GSG1: variants seen among roughly 807,000 people sequenced by gnomAD.
GSG1 encodes germ cell-specific gene 1 protein.
GSG1 carries 28 observed loss-of-function variants against 30.8 expected under a neutral mutation model. The observed-to-expected ratio is 0.91, with a 90% CI of 0.67 to 1.25. The LOEUF (loss-of-function observed/expected upper bound fraction) is 1.25, where lower values mean the gene tolerates loss of function less well. Ranked by LOEUF, GSG1 falls within the 50% of genes most tolerant of loss-of-function variation. The pLI is 0.00. For synonymous variants in GSG1, 162 were observed against 178.0 expected (o/e 0.91, Z 0.71); for missense variants, 435 against 444.7 (o/e 0.98, Z 0.20).
At position 13,087,283 on chromosome 12, in the gene GSG1, G is replaced by A. The variant is rs1326218225; in HGVS notation, c.635-20C>T. Reference sequence around the variant, plus strand: ...GGAGACCTACCAAGGAAACAGGAAGGCAGAGCCCTTAGAGAAAGGCTTTCA... The same window carrying A: ...GGAGACCTACCAAGGAAACAGGAAGACAGAGCCCTTAGAGAAAGGCTTTCA... On this transcript the variant is annotated intron_variant, in intron 5 of 6. Transcript: ENST00000651961. The A allele has an allele frequency of 6.3e-7, 1 of 1,578,408 alleles. No homozygotes were observed. The highest frequency in any genetic ancestry group is 2.2e-5 in the East Asian group (1 of 44,734).
Position 13,084,991 on chromosome 12 carries a change from G to A in GSG1, c.999C>T (p.Tyr333=). The change falls in exon 7 of 7, where the codon TAC becomes TAT. Residue 333 remains tyrosine (Y), a synonymous_variant. Coordinates refer to ENST00000651961, the MANE Select transcript of GSG1 (RefSeq NM_001080555.4). The stretch of plus-strand genomic sequence containing the variant: ...GAAATCCCTTGTTCCGCAGCTCGGA[G>A]TAGAAGTCGACTCCCTCAGAGACAG... ...IHSVSEGVDF[Y]SELRNKGFQR... The A allele has an allele frequency of 6.4e-7, 1 of 1,554,004 alleles. No homozygotes were observed. The highest frequency in any genetic ancestry group is 1.2e-5 in the South Asian group (1 of 84,378).
At chr12:13,102,906 A>G (rs1863318888) in intron 1 of GSG1, among the ~76,000 whole-genome samples, 1 of 152,222 alleles carries the variant, frequency 6.6e-6, no homozygotes, top group East Asian at 1.9e-4. Flanking sequence ...AGGATCCCTG[A>G]AGATTCTGCT....
chr12:13,088,206 ATT>A (rs1865728460), intron 4 of GSG1, 147 bp from the exon 5 acceptor site: 5 of 816,848 alleles, frequency 6.1e-6, no homozygotes, highest in Non-Finnish European at 9.6e-6. Context: ...AGGGAGGAAC[ATT>A]ACTTCATTTC....
rs770306778 is a variant in GSG1 at position 13,087,268 on chromosome 12, C to G, written c.635-5G>C. The G allele has an allele frequency of 6.2e-7, 1 of 1,606,700 alleles. No individual in the cohort carries two copies. Among genetic ancestry groups the G allele is most frequent in the Non-Finnish European group, 8.5e-7 (1 of 1,173,242 alleles). On this transcript the variant is annotated splice_region_variant and splice_polypyrimidine_tract_variant and intron_variant, in intron 5 of 6. Coordinates refer to ENST00000651961, the MANE Select transcript of GSG1 (RefSeq NM_001080555.4). ...GGGCCACCATCCCCAGGAGACCTAC[C>G]AAGGAAACAGGAAGGCAGAGCCCTT...
At chr12:13,094,405 A>G (rs1301156187) in intron 1 of GSG1, among the ~76,000 whole-genome samples, 1 of 152,242 alleles carries the variant, frequency 6.6e-6, no homozygotes, top group East Asian at 1.9e-4. Context: ...TCAACAAATT[A>G]ACTCTGCCAA....
rs562013832 is a variant in GSG1 at position 13,101,987 on chromosome 12, G to A, written c.48+1478C>T. Among the ~76,000 whole-genome samples, 2 of 152,318 alleles carry A rather than the reference G, an allele frequency of 1.3e-5. No homozygotes were observed. Among genetic ancestry groups the A allele is most frequent in the African/African-American group, 4.8e-5 (2 of 41,562 alleles). ...TTAGTTCTGTGAAAATCGAAAACAG[G>A]TAGAAGAAGAGTGCCTCTAAGCAGA... On this transcript the variant is annotated intron_variant, in intron 1 of 6. Coordinates refer to ENST00000651961, the MANE Select transcript of GSG1 (RefSeq NM_001080555.4). This position sits in a 1 kb window ranked among gnomAD's most constrained non-coding sequence, Gnocchi z 5.8.
At chr12:13,087,857 TCAAAAGTGGCCAGGGC>T in intron 5 of GSG1, 34 bp downstream of exon 5, 1 of 1,589,674 alleles carries the variant, frequency 6.3e-7, no homozygotes, top group Non-Finnish European at 8.6e-7. Flanking sequence ...AGCTAGGGCT[TCAAAAGTGGCCAGGGC>T]CAACCACCCT....
rs1327915538 is a variant in GSG1, at chr12:13,101,391, A to G, written c.48+2074T>C. ...AGGCCCCGCCCCGCGGCCGCCAACC[A>G]CCCATGGCTTCCTGACCGGGTCGGG... is the stretch of plus-strand genomic sequence containing the variant. On this transcript the variant is annotated intron_variant, in intron 1 of 6. Transcript: ENST00000651961. The surrounding 1 kb of genome is among the most constrained non-coding windows in gnomAD (Gnocchi z 5.8). Among the ~76,000 whole-genome samples, 1 of 151,992 alleles carries G rather than the reference A, an allele frequency of 6.6e-6. No individual in the cohort carries two copies. The highest frequency in any genetic ancestry group is 1.5e-5 in the Non-Finnish European group (1 of 67,958).
chr12:13,090,420 C>T (rs1370650381), intron 2 of GSG1, 83 bp downstream of exon 2: 65 of 1,327,342 alleles, frequency 4.9e-5, no homozygotes, highest in Middle Eastern at 4.8e-4. Context: ...CAGCCCTAAG[C>T]GGGCCTACCT....
At chr12:13,099,256 T>C (rs554354383) in intron 1 of GSG1, among the ~76,000 whole-genome samples, 1 of 152,356 alleles carries the variant, frequency 6.6e-6, no homozygotes, top group East Asian at 1.9e-4. Context: ...TTAATATTTT[T>C]TTCTTCCTTT....
At chr12:13,103,314 T>G in intron 1 of GSG1, 151 bp downstream of exon 1, 1 of 668,384 alleles carries the variant, frequency 1.5e-6, no homozygotes, top group Non-Finnish European at 2.7e-6. Context: ...TTTCATTCCA[T>G]TTTGTAGAAC....
At chr12:13,088,529 A>G (rs1450655919) in intron 4 of GSG1, among the ~76,000 whole-genome samples, 1 of 152,222 alleles carries the variant, frequency 6.6e-6, no homozygotes, top group African/African-American at 2.4e-5. Context: ...AGAGTAGGTT[A>G]GCACTGTTGG....
At chr12:13,097,830 C>T (rs1862847124) in intron 1 of GSG1, among the ~76,000 whole-genome samples, 1 of 152,218 alleles carries the variant, frequency 6.6e-6, no homozygotes, top group Non-Finnish European at 1.5e-5. Flanking sequence ...GGCCGTTCCT[C>T]CCCCTCTTCC....
At chr12:13,098,494 GGC>G (rs1862916367) in intron 1 of GSG1, among the ~76,000 whole-genome samples, 11 of 87,348 alleles carry the variant, frequency 1.3e-4, no homozygotes, top group South Asian at 8.5e-4. Flanking sequence ...TTTTTTTTTG[GGC>G]GGCCAGTTCC....
At chr12:13,090,467 G>T in intron 2 of GSG1, 36 bp downstream of exon 2, 1 of 1,570,872 alleles carries the variant, frequency 6.4e-7, no homozygotes, top group South Asian at 1.2e-5. Flanking sequence ...TGCCCGCCCT[G>T]ACCCCGTTGC....
chr12:13,094,530 GT>G (rs1029434528), intron 1 of GSG1, among the ~76,000 whole-genome samples: 1 of 152,176 alleles, frequency 6.6e-6, no homozygotes, highest in Non-Finnish European at 1.5e-5. Flanking sequence ...GTGTTGCCCA[GT>G]TCCCCTTTCC....
chr12:13,094,175 C>T (rs1164106387), intron 1 of GSG1, among the ~76,000 whole-genome samples: 1 of 152,178 alleles, frequency 6.6e-6, no homozygotes. Flanking sequence ...TCACACCCAG[C>T]TTACTGTTTC....
At chr12:13,091,537 C>T (rs755057262) in intron 1 of GSG1, among the ~76,000 whole-genome samples, 1 of 152,142 alleles carries the variant, frequency 6.6e-6, no homozygotes, top group Non-Finnish European at 1.5e-5. Flanking sequence ...GACCCTGTCT[C>T]TACGGAAAAT....
rs1364160896 is a variant in GSG1, at chr12:13,093,142, T to C, written c.49-2324A>G. Among the ~76,000 whole-genome samples, 1 of 151,206 alleles carries C rather than the reference T, an allele frequency of 6.6e-6. No individual in the cohort carries two copies. The highest frequency in any genetic ancestry group is 1.9e-4 in the East Asian group (1 of 5,186). ...TTATGTAAAATAACATTAATACATA[T>C]AAATATATAATTATATAATTAATAA... On this transcript the variant is annotated intron_variant, in intron 1 of 6. Transcript: ENST00000651961. The surrounding 1 kb of genome is among the most constrained non-coding windows in gnomAD (Gnocchi z 4.6).
Sources: allele counts gnomAD v4.1 joint callset (sites outside exome capture counted in the v4.1 genomes callset), GRCh38; gene constraint gnomAD v4.1.1; non-coding constraint Gnocchi (gnomAD v3.1); transcripts MANE v1.5; gene names NCBI Gene and HGNC (gene_info 2026-07-23, HGNC 2026-07-21).